Variants in YES1 observed in about 807,000 individuals in gnomAD.
YES1 encodes YES proto-oncogene 1, Src family tyrosine kinase, also known as tyrosine-protein kinase Yes.
In YES1, 39 loss-of-function variants were observed where a neutral mutation model predicts 70.4. That is an observed-to-expected ratio of 0.55 (90% CI 0.43 to 0.72). The LOEUF is 0.72. Among genes scored for constraint, YES1 ranks in the 30% least tolerant of loss-of-function variants. The pLI, the probability that YES1 is intolerant of heterozygous loss-of-function variation, is 0.00. For missense variants in YES1, 495 were observed against 644.8 expected, an observed-to-expected ratio of 0.77 and a Z score of 2.52; for synonymous variants, 198 against 218.6, an observed-to-expected ratio of 0.91 and a Z score of 0.83.
At chr18:795,426 G>T (rs531987968) in intron 1 of YES1, among the ~76,000 whole-genome samples, 2 of 152,088 alleles carry the variant, frequency 1.3e-5, no homozygotes, top group Non-Finnish European at 2.9e-5. Context: ...TGCTACTCTT[G>T]CAACTTTTCT....
At chr18:780,116 T>G (rs1022590269) in intron 1 of YES1, among the ~76,000 whole-genome samples, 7 of 152,024 alleles carry the variant, frequency 4.6e-5, no homozygotes, top group Non-Finnish European at 1.0e-4. Context: ...CACCTGCTAC[T>G]TGGGAGGATA....
chr18:801,357 C>G (rs1906812500), intron 1 of YES1, among the ~76,000 whole-genome samples: 1 of 151,868 alleles, frequency 6.6e-6, no homozygotes, highest in African/African-American at 2.4e-5. Flanking sequence ...CATGAACAAA[C>G]TAGTATAGAA....
intron 1 of YES1, among the ~76,000 whole-genome samples, chr18:806,727 G>A (rs1026084103): frequency 6.6e-6 from 1 of 152,292 alleles, no homozygotes; most frequent in Middle Eastern, 3.4e-3. Context: ...GTGTTTTGTG[G>A]GAGCACAAAG....
chr18:759,018 A>T (rs1904437420), intron 1 of YES1, among the ~76,000 whole-genome samples: 2 of 152,196 alleles, frequency 1.3e-5, no homozygotes, highest in African/African-American at 4.8e-5. Context: ...ATAAATTCTG[A>T]AAGACTAAAC....
At chr18:785,385 C>T (rs1448896613) in intron 1 of YES1, among the ~76,000 whole-genome samples, 1 of 152,124 alleles carries the variant, frequency 6.6e-6, no homozygotes, top group East Asian at 1.9e-4. Context: ...CCCTTTCTTA[C>T]CAAGCTTCTG....
chr18:759,003 G>A (rs1411858402), intron 1 of YES1, among the ~76,000 whole-genome samples: 10 of 152,074 alleles, frequency 6.6e-5, no homozygotes, highest in Non-Finnish European at 1.0e-4. Flanking sequence ...AGTGTTGGCC[G>A]CCTCATAAAT....
intron 1 of YES1, among the ~76,000 whole-genome samples, chr18:779,983 CAG>C (rs1905575643): frequency 6.6e-6 from 1 of 151,724 alleles, no homozygotes; most frequent in Non-Finnish European, 1.5e-5. Context: ...CCTGTAATCC[CAG>C]CACTTTGGGA....
chr18:792,908 C>T (rs1409107617), intron 1 of YES1, among the ~76,000 whole-genome samples: 2 of 151,972 alleles, frequency 1.3e-5, no homozygotes, highest in Non-Finnish European at 2.9e-5. Flanking sequence ...TTTTTAATAA[C>T]TCTCATGAAC....
intron 10 of YES1, 40 bp downstream of exon 10, chr18:736,768 A>G: frequency 6.3e-7 from 1 of 1,595,958 alleles, no homozygotes; most frequent in Non-Finnish European, 8.5e-7. Context: ...TAAGCAAAAC[A>G]CACAACACAT....
rs1265594540 is a variant in YES1 at position 742,977 on chromosome 18, G to A, written c.1001C>T (p.Pro334Leu). The change falls in exon 8 of 12, where the codon CCA becomes CTA. Residue 334 changes from proline to leucine, a missense_variant. Physicochemically the swap from Pro to Leu is moderately conservative, Grantham distance 98. Coordinates refer to ENST00000314574, the MANE Select transcript of YES1 (RefSeq NM_005433.4). ...TTCTTCAGAAACAACAGCATATAGTGGAACAAGTTTATCATGTCTTAATTT... is the reference window on the plus strand; with the variant it reads ...TTCTTCAGAAACAACAGCATATAGTAGAACAAGTTTATCATGTCTTAATTT... ...MKKLRHDKLVPLYAVVSEEPI... is the reference protein window; with the variant it reads ...MKKLRHDKLVLLYAVVSEEPI... 6 of 1,610,298 alleles carry A rather than the reference G, an allele frequency of 3.7e-6. No homozygotes were observed. The highest frequency in any genetic ancestry group is 4.2e-6 in the Non-Finnish European group (5 of 1,179,248).
intron 1 of YES1, among the ~76,000 whole-genome samples, 179 bp downstream of exon 1, chr18:811,935 G>A (rs566393994): frequency 6.6e-6 from 1 of 152,246 alleles, no homozygotes; most frequent in East Asian, 1.9e-4. Flanking sequence ...CGCGGGGAAC[G>A]AGACAAGCCC....
intron 1 of YES1, among the ~76,000 whole-genome samples, chr18:801,861 T>G (rs1568221092): frequency 6.6e-6 from 1 of 152,192 alleles, no homozygotes; most frequent in Non-Finnish European, 1.5e-5. Flanking sequence ...GAAACTTGAT[T>G]GGGAAAACAT....
intron 1 of YES1, among the ~76,000 whole-genome samples, chr18:784,065 AT>A (rs1905814555): frequency 6.6e-6 from 1 of 152,232 alleles, no homozygotes; most frequent in South Asian, 2.1e-4. Context: ...TGGCAAAAAA[AT>A]ATTCATTTTA....
chr18:770,883 T>C (rs892479951), intron 1 of YES1, among the ~76,000 whole-genome samples: 1 of 152,078 alleles, frequency 6.6e-6, no homozygotes, highest in Non-Finnish European at 1.5e-5. Context: ...TGGTGGCTCA[T>C]GCCTTTAATC....
At chr18:791,566 T>C (rs940875172) in intron 1 of YES1, among the ~76,000 whole-genome samples, 10 of 152,292 alleles carry the variant, frequency 6.6e-5, no homozygotes, top group East Asian at 3.9e-4. Flanking sequence ...TACTGTCCAA[T>C]AGAAATATAA....
chr18:810,620 C>T (rs1321134889), intron 1 of YES1, among the ~76,000 whole-genome samples: 1 of 152,130 alleles, frequency 6.6e-6, no homozygotes, highest in African/African-American at 2.4e-5. Flanking sequence ...GTTTTGTTTT[C>T]AGATCAAAGG....
At chr18:774,487 A>C (rs1307794652) in intron 1 of YES1, among the ~76,000 whole-genome samples, 1 of 152,152 alleles carries the variant, frequency 6.6e-6, no homozygotes, top group South Asian at 2.1e-4. Context: ...CTCCTCCTGC[A>C]ATCTTCCCCA....
rs71174281 is a variant in YES1, at chr18:735,161, C to CAAAAAAAAAAAAAAAAAAAA, written c.1291+1646_1291+1647insTTTTTTTTTTTTTTTTTTTT. ...AACAGATTGAGACTGTGTCTCAAAG[C>CAAAAAAAAAAAAAAAAAAAA]AAAAAAAAAAAAATCATTATATGAA... On this transcript the variant is annotated intron_variant, in intron 10 of 11. Transcript: ENST00000314574. Among the ~76,000 whole-genome samples, 87 of 110,640 alleles carry CAAAAAAAAAAAAAAAAAAAA rather than the reference C, an allele frequency of 7.9e-4. 1 individual carries two copies. Among genetic ancestry groups the CAAAAAAAAAAAAAAAAAAAA allele is most frequent in the East Asian group, 2.3e-3 (7 of 2,986 alleles). 72.6% of individuals were successfully genotyped at this position (110,640 alleles called of 152,430 possible).
At chr18:765,624 G>A (rs939353467) in intron 1 of YES1, among the ~76,000 whole-genome samples, 6 of 151,580 alleles carry the variant, frequency 4.0e-5, no homozygotes, top group African/African-American at 9.7e-5. Context: ...GGTCTCGAAC[G>A]CCTGACCTTG....
Sources: allele counts gnomAD v4.1 joint callset (sites outside exome capture counted in the v4.1 genomes callset), GRCh38; gene constraint gnomAD v4.1.1; transcripts MANE v1.5; gene names NCBI Gene and HGNC (gene_info 2026-07-23, HGNC 2026-07-21).